HSD17B4: variants seen among roughly 807,000 people sequenced by gnomAD.
The protein encoded by HSD17B4 is hydroxysteroid 17-beta dehydrogenase 4, also known as peroxisomal multifunctional enzyme type 2.
A neutral mutation model predicts 101.0 loss-of-function variants in HSD17B4; 70 were observed. The observed-to-expected ratio is 0.69, with a 90% CI of 0.57 to 0.85. The LOEUF is 0.85. Among genes scored for constraint, HSD17B4 ranks in the 40% least tolerant of loss-of-function variants. HSD17B4 has a pLI of 0.00. For missense variants in HSD17B4, 984 were observed against 892.4 expected (o/e 1.10, Z -1.31); for synonymous variants, 347 against 297.1 (o/e 1.17, Z -1.73).
Position 119,496,661 on chromosome 5 carries a change from AG to A in HSD17B4, c.972+16del. On this transcript the variant is annotated intron_variant, in intron 12 of 23. Transcript: ENST00000510025. ...CATCAGGATTTGTAAGTGGGAAAAA[AG>A]CCTAAAGCGTTTGCCTTCTCTGGAG... 1.4e-6 allele frequency: 2 copies of A among 1,437,072 alleles called. No individual in the cohort carries two copies. Among genetic ancestry groups the A allele is most frequent in the Non-Finnish European group, 2.0e-6 (2 of 1,018,406 alleles). The allele number at this position is 1,437,072 out of a possible 1,614,324, so 89.0% of individuals were successfully genotyped here. A position where few individuals can be genotyped will look rare whatever the true frequency, so the allele number is the denominator to read the frequency against.
intron 2 of HSD17B4, among the ~76,000 whole-genome samples, chr5:119,462,563 G>A (rs1314080393): frequency 1.3e-5 from 2 of 151,972 alleles, no homozygotes; most frequent in Non-Finnish European, 2.9e-5. Context: ...ATCAGTATAA[G>A]TTATTATTAT....
In HSD17B4 at chr5:119,542,272, T is replaced by A. The variant is rs149665666; in HGVS notation, c.*278T>A. On this transcript the variant is annotated 3_prime_UTR_variant, in exon 24 of 24. Transcript: ENST00000510025. ...TTGCCCAAGTCCTGTTTCCTTAGAA[T>A]TTGTGATAGCATTGATAAGTTGAAA... 514 of 284,730 alleles carry A rather than the reference T, an allele frequency of 1.8e-3. 1 individual carries two copies. Among genetic ancestry groups the A allele is most frequent in the African/African-American group, 0.011 (489 of 45,172 alleles). The allele number at this position is 284,730 out of a possible 1,614,324, so 17.6% of individuals were successfully genotyped here.
In HSD17B4 at chr5:119,526,074, TAGAGA is replaced by T. The variant is rs750271944; in HGVS notation, c.1680+55_1680+59del. ...GAATATTACTTCCTTTTTCTATCTT[TAGAGA>T]AGAAAAGGGGTTTTAGTGATTTAAT... On this transcript the variant is annotated intron_variant, in intron 19 of 23. Coordinates refer to ENST00000510025, the MANE Select transcript of HSD17B4 (RefSeq NM_000414.4). The T allele has an allele frequency of 7.7e-6, 8 of 1,033,514 alleles. No individual in the cohort carries two copies. In the Admixed American group the frequency reaches 8.5e-5, roughly 11 times the overall value. The allele number at this position is 1,033,514 out of a possible 1,614,324, so 64.0% of individuals were successfully genotyped here.
At chr5:119,456,774 C>A in intron 2 of HSD17B4, 1 of 213,800 alleles carries the variant, frequency 4.7e-6, no homozygotes. Flanking sequence ...TGGGGACAAG[C>A]ATTTATTGTA....
At chr5:119,499,676 GGTTA>G (rs1750982432) in intron 13 of HSD17B4, 123 bp downstream of exon 13, 1 of 504,822 alleles carries the variant, frequency 2.0e-6, no homozygotes, top group Non-Finnish European at 3.4e-6. Flanking sequence ...TATTTATAGT[GGTTA>G]GTTTAGCATA....
chr5:119,526,170 A>G (rs1335741336), intron 19 of HSD17B4, 147 bp downstream of exon 19: 1 of 649,156 alleles, frequency 1.5e-6, no homozygotes, highest in East Asian at 2.8e-5. Context: ...CAATCAGCAC[A>G]CTTTCTTTTT....
chr5:119,452,780 C>T lies in HSD17B4; in HGVS notation c.58+147C>T, dbSNP rs375453337. 4.9e-5 allele frequency: 76 copies of T among 1,556,006 alleles called. 1 individual carries two copies. In the South Asian group the frequency reaches 8.3e-4, roughly 17 times the overall value. On this transcript the variant is annotated intron_variant, in intron 1 of 23. Coordinates refer to ENST00000510025, the MANE Select transcript of HSD17B4 (RefSeq NM_000414.4). ...TGGTTATTCTTGAGGCACCGCATCT[C>T]TTGAGGAGGAAAGAGCCGGAAACAC...
chr5:119,536,118 G>A (rs1425928979), intron 22 of HSD17B4: 1 of 332,194 alleles, frequency 3.0e-6, no homozygotes, highest in South Asian at 2.8e-5. Context: ...TCTGAAATAA[G>A]ATTAGCTGTG....
At chr5:119,480,724 A>C (rs577572614) in intron 8 of HSD17B4, among the ~76,000 whole-genome samples, 78 of 152,274 alleles carry the variant, frequency 5.1e-4, no homozygotes, top group African/African-American at 1.8e-3. Context: ...TCTTCCTAAT[A>C]AGCCTGGGAG....
At chr5:119,536,688 T>TA in intron 23 of HSD17B4, 138 bp downstream of exon 23, 1 of 781,026 alleles carries the variant, frequency 1.3e-6, no homozygotes, top group South Asian at 1.5e-5. Context: ...TTGCTACTGA[T>TA]ACTCTGGTTG....
intron 18 of HSD17B4, 87 bp downstream of exon 18, chr5:119,525,372 G>A (rs1052297910): frequency 4.9e-6 from 4 of 822,112 alleles, no homozygotes; most frequent in African/African-American, 3.4e-5. Flanking sequence ...ACTTATGACT[G>A]GTAGTTTGAG....
intron 22 of HSD17B4, among the ~76,000 whole-genome samples, chr5:119,533,403 C>G (rs536857161): frequency 1.3e-4 from 19 of 151,688 alleles, no homozygotes; most frequent in African/African-American, 4.6e-4. Flanking sequence ...AAAGGAAGAC[C>G]TCAATTAAGG....
At chr5:119,532,402 T>C (rs946106045) in intron 22 of HSD17B4, among the ~76,000 whole-genome samples, 1 of 152,122 alleles carries the variant, frequency 6.6e-6, no homozygotes, top group African/African-American at 2.4e-5. Flanking sequence ...CTAGCCTGAT[T>C]CTGTATATGT....
intron 8 of HSD17B4, among the ~76,000 whole-genome samples, chr5:119,488,456 G>T (rs1295777027): frequency 2.6e-5 from 4 of 152,074 alleles, no homozygotes; most frequent in Admixed American, 1.3e-4. Flanking sequence ...ATAATTTATT[G>T]TGTATTTCAA....
chr5:119,471,461 A>G (rs910289460), intron 2 of HSD17B4, among the ~76,000 whole-genome samples: 4 of 152,138 alleles, frequency 2.6e-5, no homozygotes, highest in Admixed American at 2.0e-4. Context: ...TCTCCATATT[A>G]TCCCATTACT....
At chr5:119,507,532 C>G (rs1026405767) in intron 15 of HSD17B4, among the ~76,000 whole-genome samples, 3 of 152,046 alleles carry the variant, frequency 2.0e-5, no homozygotes, top group African/African-American at 7.2e-5. Context: ...GCCTGTAATC[C>G]TAGCACTTTG....
intron 16 of HSD17B4, among the ~76,000 whole-genome samples, chr5:119,511,114 T>C (rs749239813): frequency 2.0e-5 from 3 of 152,126 alleles, no homozygotes; most frequent in Non-Finnish European, 4.4e-5. Context: ...GTAAAGCAAG[T>C]GTATCATTTG....
chr5:119,529,225 C>T (rs79060912), intron 20 of HSD17B4, among the ~76,000 whole-genome samples: 31 of 152,062 alleles, frequency 2.0e-4, no homozygotes, highest in African/African-American at 7.2e-4. Context: ...GTAGCAATAA[C>T]AATTTTTATG....
intron 17 of HSD17B4, among the ~76,000 whole-genome samples, chr5:119,524,119 T>G (rs1399398844): frequency 1.3e-5 from 2 of 152,172 alleles, no homozygotes; most frequent in African/African-American, 4.8e-5. Context: ...TCACCAGTAT[T>G]CAATAATTGT....
Sources: gnomAD v4.1 joint callset for allele counts (sites outside exome capture counted in the v4.1 genomes callset) on GRCh38, gnomAD v4.1.1 for gene constraint, MANE v1.5 for transcripts, NCBI Gene and HGNC (gene_info 2026-07-23, HGNC 2026-07-21) for gene names.